Variants in ARID2 observed in about 807,000 individuals in gnomAD.
ARID2 encodes AT-rich interactive domain-containing protein 2.
Under a neutral mutation model 184.6 loss-of-function variants are expected in ARID2, and 32 were observed. The ratio of observed to expected loss-of-function variants is 0.17; its 90% CI spans 0.13 to 0.23. The LOEUF is 0.23. ARID2 is among the 10% of genes least tolerant of loss of function. The probability of loss-of-function intolerance (pLI) is 1.00; values close to 1 mark genes in which losing one functional copy is unlikely to be tolerated. For missense variants in ARID2, 1,696 were observed against 2,197.6 expected (o/e 0.77, Z 4.56); for synonymous variants, 836 against 772.6 (o/e 1.08, Z -1.36).
Position 45,890,608 on chromosome 12 carries a change from C to T in ARID2, c.4923-1172C>T, listed in dbSNP as rs539863495. ...AATGTATTTACTGATTTTAGCCTCA[C>T]AATATACTTTTGTAGGTATTTATAT... On this transcript the variant is annotated intron_variant, in intron 16 of 20. Transcript: ENST00000334344. 2.1e-3 allele frequency among the ~76,000 whole-genome samples: 313 copies of T among 152,114 alleles called. 1 individual carries two copies. Among genetic ancestry groups the T allele is most frequent in the Admixed American group, 3.5e-3 (54 of 15,278 alleles).
intron 15 of ARID2, among the ~76,000 whole-genome samples, chr12:45,858,821 T>C (rs1943696239): frequency 6.6e-6 from 1 of 152,340 alleles, no homozygotes; most frequent in Admixed American, 6.5e-5. Flanking sequence ...TTGTGATATC[T>C]CTACGGCCCT....
chr12:45,800,314 A>T (rs1462585892), intron 3 of ARID2, among the ~76,000 whole-genome samples: 1 of 152,236 alleles, frequency 6.6e-6, no homozygotes, highest in Admixed American at 6.5e-5. Flanking sequence ...ATCTGAAGAC[A>T]CAAAGAACTG....
intron 3 of ARID2, among the ~76,000 whole-genome samples, chr12:45,752,999 G>T (rs1446774181): frequency 6.6e-6 from 1 of 152,234 alleles, no homozygotes; most frequent in Non-Finnish European, 1.5e-5. Flanking sequence ...GGTGGCTCAT[G>T]CCTGTAATCC....
chr12:45,882,806 C>T (rs1218677297), intron 16 of ARID2, among the ~76,000 whole-genome samples: 3 of 152,188 alleles, frequency 2.0e-5, no homozygotes, highest in Non-Finnish European at 2.9e-5. Context: ...CAGAAGAGAT[C>T]TTCAGAGGGT....
At chr12:45,871,943 G>T (rs1310149730) in intron 16 of ARID2, among the ~76,000 whole-genome samples, 1 of 152,068 alleles carries the variant, frequency 6.6e-6, no homozygotes, top group East Asian at 1.9e-4. Flanking sequence ...ATGTCCATGG[G>T]ATTGGTAGTA....
At chr12:45,789,351 G>A (rs1942251684) in intron 3 of ARID2, 1 of 152,008 alleles carries the variant, frequency 6.6e-6, no homozygotes, top group African/African-American at 2.4e-5. Context: ...CTTCTACTGG[G>A]GCAATATTTC....
intron 6 of ARID2, among the ~76,000 whole-genome samples, chr12:45,824,372 G>T (rs1373176359): frequency 6.6e-6 from 1 of 152,012 alleles, no homozygotes. Context: ...GAAATAAGAT[G>T]AGGACACTCA....
At chr12:45,862,590 C>T (rs771501849) in intron 16 of ARID2, among the ~76,000 whole-genome samples, 5 of 152,046 alleles carry the variant, frequency 3.3e-5, no homozygotes, top group Non-Finnish European at 7.4e-5. Flanking sequence ...CTCCTGTAGC[C>T]CCAGCTGCCC....
At chr12:45,800,080 G>A (rs1942468074) in intron 3 of ARID2, among the ~76,000 whole-genome samples, 1 of 152,032 alleles carries the variant, frequency 6.6e-6, no homozygotes, top group Non-Finnish European at 1.5e-5. Flanking sequence ...GAACTCCTGG[G>A]ATCATGCAGT....
At chr12:45,786,720 A>G (rs972225793) in intron 3 of ARID2, among the ~76,000 whole-genome samples, 1 of 152,252 alleles carries the variant, frequency 6.6e-6, no homozygotes, top group Non-Finnish European at 1.5e-5. Flanking sequence ...CACAATAGCC[A>G]AGATATGGAA....
chr12:45,837,825 C>A, intron 10 of ARID2, 118 bp downstream of exon 10: 1 of 783,372 alleles, frequency 1.3e-6, no homozygotes, highest in Non-Finnish European at 1.9e-6. Flanking sequence ...AGAGTCATTA[C>A]CTCCTCAGGC....
At chr12:45,828,807 AAG>A (rs1943053542) in intron 6 of ARID2, among the ~76,000 whole-genome samples, 2 of 151,872 alleles carry the variant, frequency 1.3e-5, no homozygotes, top group Admixed American at 6.6e-5. Flanking sequence ...TTTGATTTGT[AAG>A]AGTTTTTTTT....
chr12:45,831,113 G>T (rs1430727218), intron 6 of ARID2, among the ~76,000 whole-genome samples: 1 of 150,770 alleles, frequency 6.6e-6, no homozygotes, highest in African/African-American at 2.4e-5. Context: ...TCCTGCTGTT[G>T]TATGTGTTTT....
chr12:45,899,420 C>T (rs867102183), intron 20 of ARID2, among the ~76,000 whole-genome samples: 10 of 145,798 alleles, frequency 6.9e-5, no homozygotes, highest in South Asian at 2.2e-4. Context: ...CTGGCTAACA[C>T]AGTGAAACCC....
At chr12:45,872,382 G>T (rs753248192) in intron 16 of ARID2, among the ~76,000 whole-genome samples, 12 of 152,096 alleles carry the variant, frequency 7.9e-5, no homozygotes, top group Admixed American at 2.0e-4. Context: ...AATGTTTTTG[G>T]TATTTTCTAG....
At chr12:45,773,692 A>AC (rs1565590878) in intron 3 of ARID2, among the ~76,000 whole-genome samples, 1 of 152,092 alleles carries the variant, frequency 6.6e-6, no homozygotes, top group African/African-American at 2.4e-5. Flanking sequence ...TTAAAAAAAA[A>AC]AGACAATGTA....
At chr12:45,755,368 A>G (rs1417547475) in intron 3 of ARID2, among the ~76,000 whole-genome samples, 1 of 152,210 alleles carries the variant, frequency 6.6e-6, no homozygotes, top group Non-Finnish European at 1.5e-5. Flanking sequence ...ACACCTGCCC[A>G]GCTTGGTCAG....
chr12:45,865,644 T>C (rs1440759768), intron 16 of ARID2, among the ~76,000 whole-genome samples: 4 of 152,148 alleles, frequency 2.6e-5, no homozygotes, highest in Non-Finnish European at 5.9e-5. Context: ...ACTTATGTGA[T>C]TTTTTAGTTT....
chr12:45,753,813 C>T (rs965780259), intron 3 of ARID2, among the ~76,000 whole-genome samples: 5 of 152,032 alleles, frequency 3.3e-5, no homozygotes, highest in African/African-American at 1.2e-4. Flanking sequence ...AGGCTGGTCT[C>T]GAACTCCTGG....
Sources: gnomAD v4.1 joint callset for allele counts (sites outside exome capture counted in the v4.1 genomes callset) on GRCh38, gnomAD v4.1.1 for gene constraint, MANE v1.5 for transcripts, NCBI Gene and HGNC (gene_info 2026-07-23, HGNC 2026-07-21) for gene names.